TRPC4: variants seen among roughly 807,000 people sequenced by gnomAD.
TRPC4 encodes the protein short transient receptor potential channel 4.
In TRPC4, 49 loss-of-function variants were observed where a neutral mutation model predicts 99.4. The ratio of observed to expected loss-of-function variants is 0.49; its 90% CI spans 0.39 to 0.63. TRPC4 has a LOEUF of 0.63. Among genes scored for constraint, TRPC4 ranks in the 20% least tolerant of loss-of-function variants. The pLI is 0.00. For missense variants in TRPC4, 898 were observed against 1,152.9 expected (o/e 0.78, Z 3.20); for synonymous variants, 454 against 425.9 (o/e 1.07, Z -0.81).
intron 3 of TRPC4, among the ~76,000 whole-genome samples, chr13:37,701,798 A>G (rs183447770): frequency 6.6e-6 from 1 of 152,156 alleles, no homozygotes; most frequent in African/African-American, 2.4e-5. Context: ...TTCTGACCCA[A>G]GGTACTGCTA....
chr13:37,718,600 GAAAGTTCAGAACTGAAAATA>G (rs1281258753), intron 3 of TRPC4, among the ~76,000 whole-genome samples: 1 of 151,992 alleles, frequency 6.6e-6, no homozygotes, highest in African/African-American at 2.4e-5. Flanking sequence ...CAGCAAAGTG[GAAAGTTCAGAACTGAAAATA>G]AAATACCTAA....
chr13:37,705,991 T>A (rs1486573107), intron 3 of TRPC4, among the ~76,000 whole-genome samples: 1 of 152,156 alleles, frequency 6.6e-6, no homozygotes, highest in Non-Finnish European at 1.5e-5. Flanking sequence ...CAGATTCCCC[T>A]CATTACTTCC....
intron 3 of TRPC4, among the ~76,000 whole-genome samples, chr13:37,701,231 G>A (rs1373042993): frequency 1.3e-5 from 2 of 152,100 alleles, no homozygotes; most frequent in Non-Finnish European, 2.9e-5. Flanking sequence ...CAGGAATAAA[G>A]AGTAAAGTAT....
intron 1 of TRPC4, among the ~76,000 whole-genome samples, chr13:37,825,942 T>G (rs1958191862): frequency 7.0e-6 from 1 of 142,204 alleles, no homozygotes; most frequent in Non-Finnish European, 1.5e-5. Context: ...ACTTGCTTTA[T>G]GAATCTGGGT....
chr13:37,839,698 C>T (rs1270323191), intron 1 of TRPC4, among the ~76,000 whole-genome samples: 6 of 152,044 alleles, frequency 3.9e-5, no homozygotes, highest in Non-Finnish European at 8.8e-5. Flanking sequence ...GTAACTTATA[C>T]TAGGTTACTC....
chr13:37,833,787 A>G (rs970700002), intron 1 of TRPC4, among the ~76,000 whole-genome samples: 2 of 151,962 alleles, frequency 1.3e-5, no homozygotes, highest in African/African-American at 4.8e-5. Context: ...CCTTCACAAA[A>G]CCATCCACCC....
At position 37,784,342 on chromosome 13, in the gene TRPC4, A is replaced by G. The variant is rs562737869; in HGVS notation, c.-27-982T>C. Among the ~76,000 whole-genome samples the G allele has an allele frequency of 2.7e-3, 417 of 152,300 alleles. 4 individuals are homozygous for G. Among genetic ancestry groups the G allele is most frequent in the Non-Finnish European group, 4.4e-3 (296 of 68,014 alleles). On this transcript the variant is annotated intron_variant, in intron 1 of 10. Coordinates refer to ENST00000379705, the MANE Select transcript of TRPC4 (RefSeq NM_016179.4). ...TTTATTTAGAAGTTAAAGTAAGGAT[A>G]TAGTTGAATATGAGAAAATTAATTC...
intron 7 of TRPC4, among the ~76,000 whole-genome samples, chr13:37,654,571 T>C (rs1952160352): frequency 6.6e-6 from 1 of 152,166 alleles, no homozygotes; most frequent in Non-Finnish European, 1.5e-5. Context: ...AAAAAACATG[T>C]ATTGTATCGT....
At chr13:37,718,061 A>G (rs1954739454) in intron 3 of TRPC4, among the ~76,000 whole-genome samples, 1 of 151,986 alleles carries the variant, frequency 6.6e-6, no homozygotes, top group Non-Finnish European at 1.5e-5. Flanking sequence ...TATGAATAAT[A>G]ATGGCCTACA....
chr13:37,791,144 A>G (rs1384452028), intron 1 of TRPC4, among the ~76,000 whole-genome samples: 1 of 152,128 alleles, frequency 6.6e-6, no homozygotes, highest in East Asian at 1.9e-4. Flanking sequence ...CTGTAATCCC[A>G]GCACTTTGGG....
intron 2 of TRPC4, among the ~76,000 whole-genome samples, chr13:37,767,634 G>A (rs1015005042): frequency 2.0e-5 from 3 of 151,192 alleles, no homozygotes; most frequent in African/African-American, 7.3e-5. Context: ...AATAATCTTG[G>A]TTTCATTCTG....
At chr13:37,644,888 A>AG (rs1391022329) in intron 8 of TRPC4, among the ~76,000 whole-genome samples, 2 of 150,828 alleles carry the variant, frequency 1.3e-5, no homozygotes, top group Non-Finnish European at 3.0e-5. Context: ...AAAAAAAAAA[A>AG]AAAAGAAAGA....
At chr13:37,861,589 G>A (rs919195780) in intron 1 of TRPC4, among the ~76,000 whole-genome samples, 3 of 151,548 alleles carry the variant, frequency 2.0e-5, no homozygotes, top group Non-Finnish European at 4.4e-5. Flanking sequence ...ATAATGAAAT[G>A]TTATTTATTA....
intron 1 of TRPC4, among the ~76,000 whole-genome samples, chr13:37,845,002 C>T (rs948472780): frequency 1.3e-5 from 2 of 152,152 alleles, no homozygotes; most frequent in African/African-American, 4.8e-5. Context: ...GACTGCAGAG[C>T]CCAGCCAGCA....
At chr13:37,792,991 C>T (rs1332557543) in intron 1 of TRPC4, among the ~76,000 whole-genome samples, 5 of 151,782 alleles carry the variant, frequency 3.3e-5, no homozygotes, top group East Asian at 1.9e-4. Context: ...AAGCCAGAGA[C>T]GAGAGAAGTA....
intron 3 of TRPC4, among the ~76,000 whole-genome samples, chr13:37,730,447 T>G (rs1009656715): frequency 6.6e-6 from 1 of 152,028 alleles, no homozygotes; most frequent in African/African-American, 2.4e-5. Flanking sequence ...CCAAAAAAAT[T>G]AAATGTTTGG....
intron 1 of TRPC4, among the ~76,000 whole-genome samples, chr13:37,858,414 C>A (rs1444605972): frequency 6.6e-6 from 1 of 151,418 alleles, no homozygotes; most frequent in Non-Finnish European, 1.5e-5. Flanking sequence ...TCCAGCAATC[C>A]CACTGCAGGG....
At chr13:37,739,504 ATTT>A (rs34228089) in intron 3 of TRPC4, among the ~76,000 whole-genome samples, 48,798 of 133,494 alleles carry the variant, frequency 0.37, 9,556 homozygotes, top group Non-Finnish European at 0.48. Context: ...AAAGCATGAG[ATTT>A]TTTTTTTTTT....
At chr13:37,781,262 C>A (rs1956831542) in intron 2 of TRPC4, among the ~76,000 whole-genome samples, 1 of 152,074 alleles carries the variant, frequency 6.6e-6, no homozygotes, top group African/African-American at 2.4e-5. Context: ...CAGTTTCATT[C>A]TATAGTCTTG....
Sources: allele counts gnomAD v4.1 joint callset (sites outside exome capture counted in the v4.1 genomes callset), GRCh38; gene constraint gnomAD v4.1.1; transcripts MANE v1.5; gene names NCBI Gene and HGNC (gene_info 2026-07-23, HGNC 2026-07-21).